ACAP3: variants seen among roughly 807,000 people sequenced by gnomAD.
ACAP3 encodes arf-GAP with coiled-coil, ANK repeat and PH domain-containing protein 3.
In ACAP3, 56 loss-of-function variants were observed where a neutral mutation model predicts 104.1. That is an observed-to-expected ratio of 0.54 (90% CI 0.43 to 0.67). ACAP3 has a LOEUF of 0.67. Among genes scored for constraint, ACAP3 ranks in the 30% least tolerant of loss-of-function variants. The probability of loss-of-function intolerance (pLI) is 0.00; values close to 1 mark genes in which losing one functional copy is unlikely to be tolerated. For synonymous variants in ACAP3, 628 were observed against 496.2 expected (o/e 1.27, Z -3.53); for missense variants, 1,208 against 1,174.9 (o/e 1.03, Z -0.41).
intron 1 of ACAP3, chr1:1,306,003 A>C (rs1641676402): frequency 6.6e-6 from 1 of 152,444 alleles, no homozygotes; most frequent in East Asian, 1.9e-4. Context: ...TTACGCCCTT[A>C]GGGCCTGCCC....
intron 5 of ACAP3, 55 bp from the exon 6 acceptor site, chr1:1,300,747 C>T (rs1018779212): frequency 3.9e-6 from 6 of 1,546,060 alleles, no homozygotes; most frequent in African/African-American, 2.8e-5. Context: ...CTGCTGGATC[C>T]TGGAGTCTCC....
Position 1,294,532 on chromosome 1 carries a change from A to G in ACAP3, c.2009T>C (p.Leu670Pro). The G allele has an allele frequency of 2.7e-6, 4 of 1,497,122 alleles. No homozygotes were observed. Among genetic ancestry groups the G allele is most frequent in the African/African-American group, 1.5e-5 (1 of 68,892 alleles). 92.7% of individuals were successfully genotyped at this position (1,497,122 alleles called of 1,614,324 possible). A position where few individuals can be genotyped will look rare whatever the true frequency, so the allele number is the denominator to read the frequency against. Reference sequence around the variant, plus strand: ...GGCACGCGCTGCGCGGTGCGCCAAGAGCCCCGGGTGCAGCTCGCGCACGTC... The same window carrying G: ...GGCACGCGCTGCGCGGTGCGCCAAGGGCCCCGGGTGCAGCTCGCGCACGTC... The part of the protein sequence containing the change: ...LADVRELHPG[L>P]LAHRAARARD... Residue 670 changes from leucine to proline, a missense_variant, in exon 21 of 24, where the codon CTC (leucine) becomes CCC (proline). Leu to Pro is a moderately conservative substitution (Grantham distance 98). Transcript: ENST00000354700.
At position 1,292,979 on chromosome 1, in the gene ACAP3, G is replaced by A. The variant is rs928943662; in HGVS notation, c.*585C>T. 8.5e-5 allele frequency: 13 copies of A among 152,386 alleles called. No individual in the cohort carries two copies. Among genetic ancestry groups the A allele is most frequent in the Admixed American group, 3.3e-4 (5 of 15,308 alleles). The allele number at this position is 152,386 out of a possible 1,614,324, so 9.4% of individuals were successfully genotyped here. A position where few individuals can be genotyped will look rare whatever the true frequency, so the allele number is the denominator to read the frequency against. ...GGGGCTGTCTGGCACGGGGACCTTC[G>A]TGGCCAGCCACGTGGCCTTGGGACG... is the stretch of plus-strand genomic sequence containing the variant. On this transcript the variant is annotated 3_prime_UTR_variant, in exon 24 of 24. Coordinates refer to ENST00000354700, the MANE Select transcript of ACAP3 (RefSeq NM_030649.3).
chr1:1,299,668 G>T, intron 9 of ACAP3, 163 bp downstream of exon 9: 1 of 877,788 alleles, frequency 1.1e-6, no homozygotes, highest in Non-Finnish European at 1.7e-6. Flanking sequence ...CCCCTCCACT[G>T]CACACATCAA....
intron 5 of ACAP3, 29 bp downstream of exon 5, chr1:1,301,959 T>G (rs1641464681): frequency 1.3e-6 from 2 of 1,535,672 alleles, no homozygotes; most frequent in Middle Eastern, 3.5e-4. Flanking sequence ...GGCCTCAGTG[T>G]TCTTCCCCCA....
rs1201273077 is a variant in ACAP3 at position 1,300,209 on chromosome 1, GA to G, written c.523-8del. The G allele has an allele frequency of 3.1e-6, 5 of 1,604,538 alleles. No individual in the cohort carries two copies. Among genetic ancestry groups the G allele is most frequent in the Non-Finnish European group, 4.3e-6 (5 of 1,175,076 alleles). ...TGGCCTGCAGAACATTGATCTGCCAGAGGGGGAGCCCACAGGTGAGCCCCGG... is the reference window on the plus strand; with the variant it reads ...TGGCCTGCAGAACATTGATCTGCCAGGGGGGAGCCCACAGGTGAGCCCCGG... On this transcript the variant is annotated splice_region_variant and splice_polypyrimidine_tract_variant and intron_variant, in intron 6 of 23. Transcript: ENST00000354700.
intron 14 of ACAP3, 102 bp from the exon 15 acceptor site, chr1:1,296,735 C>G: frequency 7.8e-7 from 1 of 1,283,644 alleles, no homozygotes; most frequent in South Asian, 1.4e-5. Context: ...CAGGCCAGGG[C>G]CCCTCGAGCA....
intron 6 of ACAP3, 90 bp from the exon 7 acceptor site, chr1:1,300,292 G>T: frequency 6.9e-7 from 1 of 1,456,448 alleles, no homozygotes; most frequent in Non-Finnish European, 9.2e-7. Flanking sequence ...AGCTGCTTGT[G>T]GTTCCCTGAG....
Position 1,298,027 on chromosome 1 carries a change from C to G in ACAP3, c.1002G>C (p.Val334=). 6.2e-7 allele frequency: 1 copy of G among 1,611,896 alleles called. No individual in the cohort carries two copies. The highest frequency in any genetic ancestry group is 8.5e-7 in the Non-Finnish European group (1 of 1,179,582). Residue 334 remains valine, a synonymous_variant, in exon 13 of 24, where the codon GTG becomes GTC. Transcript: ENST00000354700. ...GGCCTCCTCACTTGGTGGGTGACAG[C>G]ACCTCGAAGCAGAACCTCCGCTCGA... is the stretch of plus-strand genomic sequence containing the variant. ...EDIERRFCFE[V]LSPTKSCMLQ... is the part of the protein sequence containing the mutation.
chr1:1,304,480 G>A, intron 1 of ACAP3: 1 of 459,708 alleles, frequency 2.2e-6, no homozygotes, highest in South Asian at 2.1e-5. Flanking sequence ...TCCTCTAGGA[G>A]TTCAGAGTCA....
chr1:1,299,963 A>G lies in ACAP3; in HGVS notation c.663+10T>C, dbSNP rs774795937. On this transcript the variant is annotated intron_variant, in intron 8 of 23. Transcript: ENST00000354700. ...GGCCTGGCCCAGCCCCACCCCTCCC[A>G]AAGGCTCACCTCGGCTGCCAGCTTC... 1.2e-6 allele frequency: 2 copies of G among 1,606,184 alleles called. No homozygotes were observed. The highest frequency in any genetic ancestry group is 2.2e-5 in the East Asian group (1 of 44,600).
rs887554646 is a variant in ACAP3 at position 1,292,868 on chromosome 1, G to C, written c.*696C>G. 3 of 152,298 alleles carry C rather than the reference G, an allele frequency of 2.0e-5. No individual in the cohort carries two copies. Among genetic ancestry groups the C allele is most frequent in the Admixed American group, 2.0e-4 (3 of 15,288 alleles). The allele number at this position is 152,298 out of a possible 1,614,324, so 9.4% of individuals were successfully genotyped here. A position where few individuals can be genotyped will look rare whatever the true frequency, so the allele number is the denominator to read the frequency against. On this transcript the variant is annotated 3_prime_UTR_variant, in exon 24 of 24. Coordinates refer to ENST00000354700, the MANE Select transcript of ACAP3 (RefSeq NM_030649.3). Reference sequence around the variant, plus strand: ...CCGCTACAAAGAACATGAGATGAGGGCTGCAAAGTGGCAAAGTGGCTTTAT... The same window carrying C: ...CCGCTACAAAGAACATGAGATGAGGCCTGCAAAGTGGCAAAGTGGCTTTAT...
rs1222686968 is a variant in ACAP3 at position 1,303,252 on chromosome 1, T to A, written c.135A>T (p.Glu45Asp). ...KLVKLCSGMV[E>D]AGKAYVSTSR... Reference sequence around the variant, plus strand: ...TGGTGCTGACGTAGGCCTTACCGGCTTCCACCATGCCACTGCACAGCTTCA... The same window carrying A: ...TGGTGCTGACGTAGGCCTTACCGGCATCCACCATGCCACTGCACAGCTTCA... The change falls in exon 3 of 24, where the codon GAA (glutamate) becomes GAT (aspartate). Residue 45 changes from glutamate to aspartate, a missense_variant. Transcript: ENST00000354700. The surrounding 1 kb of genome is among the most constrained non-coding windows in gnomAD (Gnocchi z 4.0). The A allele has an allele frequency of 6.3e-7, 1 of 1,599,660 alleles. No individual in the cohort carries two copies. The highest frequency in any genetic ancestry group is 1.7e-5 in the Admixed American group (1 of 58,262).
In ACAP3 at chr1:1,300,545, C is replaced by T. The variant is rs747463252; in HGVS notation, c.486G>A (p.Lys162=). Residue 162 remains lysine (K), a synonymous_variant, in exon 6 of 24, where the codon AAG becomes AAA. Coordinates refer to ENST00000354700, the MANE Select transcript of ACAP3 (RefSeq NM_030649.3). ...AGTCCAGTGCCAGGTGGCGGAAGCA[C>T]TTCCTGGTGAGGGTGAGGGCCCCGG... is the stretch of plus-strand genomic sequence containing the variant. ...EATGALTLTR[K]CFRHLALDYV... 24 of 1,611,952 alleles carry T rather than the reference C, an allele frequency of 1.5e-5. No homozygotes were observed. The Admixed American group carries it at 3.0e-4, about 20-fold the overall frequency.
Position 1,300,640 on chromosome 1 carries a change from C to T in ACAP3, c.391G>A (p.Asp131Asn). 1.9e-6 allele frequency: 3 copies of T among 1,609,058 alleles called. No individual in the cohort carries two copies. Among genetic ancestry groups the T allele is most frequent in the Middle Eastern group, 1.7e-4 (1 of 6,046 alleles). Reference sequence around the variant, plus strand: ...TTCCTCACCAGGGACAGCTCCAGGTCCTCCCGCACCTTGTCAAACTGCTTC... The same window carrying T: ...TTCCTCACCAGGGACAGCTCCAGGTTCTCCCGCACCTTGTCAAACTGCTTC... ...TKKQFDKVREDLELSLVRNAQ... is the reference protein window; with the variant it reads ...TKKQFDKVRENLELSLVRNAQ... Residue 131 changes from aspartate to asparagine, a missense_variant, in exon 6 of 24, where the codon GAC becomes AAC. Asp to Asn is a conservative substitution (Grantham distance 23). Transcript: ENST00000354700.
At chr1:1,307,619 G>A in intron 1 of ACAP3, 150 bp downstream of exon 1, 2 of 928,782 alleles carry the variant, frequency 2.2e-6, no homozygotes, top group Non-Finnish European at 2.7e-6. Context: ...TGGCGGGGCG[G>A]GGCCGCCGCT....
At chr1:1,299,158 C>T (rs1557604234) in intron 10 of ACAP3, 187 bp downstream of exon 10, 13 of 763,462 alleles carry the variant, frequency 1.7e-5, no homozygotes, top group East Asian at 3.0e-5. Flanking sequence ...GGACAGCTGC[C>T]GCCAACCCCA....
rs1263773907 is a variant in ACAP3 at position 1,293,948 on chromosome 1, C to T, written c.2250-15G>A. The T allele has an allele frequency of 3.6e-6, 4 of 1,100,514 alleles. No homozygotes were observed. Among genetic ancestry groups the T allele is most frequent in the Admixed American group, 2.2e-5 (1 of 46,234 alleles). The allele number at this position is 1,100,514 out of a possible 1,614,324, so 68.2% of individuals were successfully genotyped here. A position where few individuals can be genotyped will look rare whatever the true frequency, so the allele number is the denominator to read the frequency against. On this transcript the variant is annotated splice_polypyrimidine_tract_variant and intron_variant, in intron 22 of 23. Coordinates refer to ENST00000354700, the MANE Select transcript of ACAP3 (RefSeq NM_030649.3). ...GGCAAACCTGGCTGAGGGGCGAGGT[C>T]GGAGGGGCGTGTCGGGGCGGGGCGG... is the stretch of plus-strand genomic sequence containing the variant.
chr1:1,294,579 C>T lies in ACAP3; in HGVS notation c.1962G>A (p.Glu654=), dbSNP rs866644774. ...ESSGEADGDT[E]AEAWGLADVR... is the part of the protein sequence containing the mutation. ...CGTCCGCCAGGCCCCAGGCCTCGGC[C>T]TCAGTGTCCCCGTCTGCCTCACCGC... is the stretch of plus-strand genomic sequence containing the variant. The change falls in exon 21 of 24, where the codon GAG becomes GAA. Residue 654 remains glutamate (E), a synonymous_variant. Transcript: ENST00000354700. The T allele has an allele frequency of 1.3e-6, 2 of 1,512,734 alleles. No individual in the cohort carries two copies. The highest frequency in any genetic ancestry group is 1.3e-5 in the South Asian group (1 of 79,478). The allele number at this position is 1,512,734 out of a possible 1,614,324, so 93.7% of individuals were successfully genotyped here. A position where few individuals can be genotyped will look rare whatever the true frequency, so the allele number is the denominator to read the frequency against.
Sources: allele counts gnomAD v4.1 joint callset, GRCh38; gene constraint gnomAD v4.1.1; non-coding constraint Gnocchi (gnomAD v3.1); transcripts MANE v1.5; gene names NCBI Gene and HGNC (gene_info 2026-07-23, HGNC 2026-07-21).